The following CFAP20DC variants were observed in gnomAD, a reference collection of about 807,000 sequenced individuals.
CFAP20DC encodes the protein CFAP20 domain containing.
A neutral mutation model predicts 101.7 loss-of-function variants in CFAP20DC; 84 were observed. The observed-to-expected ratio is 0.83, with a 90% CI of 0.69 to 0.99. CFAP20DC has a LOEUF of 0.99. CFAP20DC is among the 50% of genes least tolerant of loss of function. The pLI, the probability that CFAP20DC is intolerant of heterozygous loss-of-function variation, is 0.00. For synonymous variants in CFAP20DC, 359 were observed against 351.2 expected, an observed-to-expected ratio of 1.02 and a Z score of -0.25; for missense variants, 1,007 against 970.3, an observed-to-expected ratio of 1.04 and a Z score of -0.50.
intron 15 of CFAP20DC, among the ~76,000 whole-genome samples, chr3:58,759,755 C>T (rs904954044): frequency 6.6e-6 from 1 of 152,182 alleles, no homozygotes; most frequent in South Asian, 2.1e-4. Flanking sequence ...CTACATATGG[C>T]TAGCCAGTTT....
At chr3:58,968,794 C>CA (rs1258663930) in intron 4 of CFAP20DC, among the ~76,000 whole-genome samples, 4 of 152,100 alleles carry the variant, frequency 2.6e-5, no homozygotes, top group African/African-American at 9.7e-5. Flanking sequence ...TTCCTATATC[C>CA]AGGATAATAT....
At chr3:59,031,383 G>GC (rs1319340800) in intron 4 of CFAP20DC, among the ~76,000 whole-genome samples, 4 of 152,082 alleles carry the variant, frequency 2.6e-5, no homozygotes, top group Admixed American at 6.5e-5. Context: ...TTGTTAAGGA[G>GC]CTTAAAAATA....
downstream of CFAP20DC, chr3:58,717,351 T>C (rs1387219710): frequency 1.7e-5 from 4 of 236,842 alleles, no homozygotes; most frequent in Non-Finnish European, 3.4e-5. This position sits in a 1 kb window ranked among gnomAD's most constrained non-coding sequence, Gnocchi z 4.1. Flanking sequence ...AGCAGGGGAA[T>C]GCTGAATCTC....
In CFAP20DC at chr3:58,866,582, CTG is replaced by C; in HGVS notation, c.1240_1241del (p.Gln414ValfsTer3). On this transcript the variant is annotated frameshift_variant, in exon 11 of 17. Coordinates refer to ENST00000482387, the MANE Select transcript of CFAP20DC (RefSeq NM_001394063.1). LOFTEE classifies it high-confidence loss of function. ...ELLNSGTLGP[Q>X]SPDQSDEWIF... The stretch of plus-strand genomic sequence containing the variant: ...GATGCCAACCTGATTGATCAGGAGA[CTG>C]GGGTCCTAGAGTGCCGGAGTTCAAC... 1 of 1,611,768 alleles carries C rather than the reference CTG, an allele frequency of 6.2e-7. No homozygotes were observed. Among genetic ancestry groups the C allele is most frequent in the East Asian group, 2.2e-5 (1 of 44,792 alleles).
intron 15 of CFAP20DC, among the ~76,000 whole-genome samples, chr3:58,762,785 C>G (rs977877828): frequency 6.6e-6 from 1 of 152,164 alleles, no homozygotes; most frequent in African/African-American, 2.4e-5. Flanking sequence ...TTTATTTCTC[C>G]TTCACTTATG....
chr3:59,015,354 A>G lies in CFAP20DC; in HGVS notation c.278+24203T>C, dbSNP rs1179482484. ...ATAAGAAATGAGAAGGAAAGGAAGAAGGAAAAGAAAAATTAGGAAGAAGAA... is the reference window on the plus strand; with the variant it reads ...ATAAGAAATGAGAAGGAAAGGAAGAGGGAAAAGAAAAATTAGGAAGAAGAA... On this transcript the variant is annotated intron_variant, in intron 4 of 16. Coordinates refer to ENST00000482387, the MANE Select transcript of CFAP20DC (RefSeq NM_001394063.1). This position sits in a 1 kb window ranked among gnomAD's most constrained non-coding sequence, Gnocchi z 5.4. 6.6e-6 allele frequency among the ~76,000 whole-genome samples: 1 copy of G among 152,068 alleles called. No individual in the cohort carries two copies. Among genetic ancestry groups the G allele is most frequent in the Non-Finnish European group, 1.5e-5 (1 of 68,002 alleles).
intron 15 of CFAP20DC, among the ~76,000 whole-genome samples, chr3:58,779,769 T>C (rs1253531718): frequency 6.6e-6 from 1 of 151,990 alleles, no homozygotes; most frequent in African/African-American, 2.4e-5. Context: ...GAAGAGGAGA[T>C]GAAAGGGTTA....
chr3:58,830,625 G>A (rs758621967), intron 14 of CFAP20DC, among the ~76,000 whole-genome samples: 5 of 152,124 alleles, frequency 3.3e-5, no homozygotes, highest in South Asian at 4.2e-4. Context: ...ACTTATCCGC[G>A]TCAACTATAC....
chr3:58,742,666 G>A (rs980211582), intron 16 of CFAP20DC, 94 bp from the exon 17 acceptor site: 26 of 808,970 alleles, frequency 3.2e-5, no homozygotes, highest in Non-Finnish European at 4.8e-5. Flanking sequence ...ATCTCTCCTG[G>A]GGGATTTTCT....
chr3:58,952,558 A>C lies in CFAP20DC; in HGVS notation c.279-14796T>G, dbSNP rs143304004. Among the ~76,000 whole-genome samples, 103 of 152,224 alleles carry C rather than the reference A, an allele frequency of 6.8e-4. 1 individual carries two copies. The highest frequency in any genetic ancestry group is 2.4e-3 in the African/African-American group (100 of 41,536). On this transcript the variant is annotated intron_variant, in intron 4 of 16. Transcript: ENST00000482387. ...TGGCCTTTAATTTTCTATTAACTAA[A>C]ACATAAGTGGCTCATAGATGCCTAT...
At chr3:58,807,022 G>T in intron 14 of CFAP20DC, among the ~76,000 whole-genome samples, 1 of 152,152 alleles carries the variant, frequency 6.6e-6, no homozygotes, top group Admixed American at 6.5e-5. Context: ...GGGGAGGGGT[G>T]CCCGCCATTG....
intron 13 of CFAP20DC, among the ~76,000 whole-genome samples, chr3:58,838,614 T>C (rs2076896511): frequency 2.0e-5 from 3 of 152,196 alleles, no homozygotes; most frequent in Admixed American, 2.0e-4. Context: ...ATCTTTATAT[T>C]GATGTGCTAT....
At position 59,001,828 on chromosome 3, in the gene CFAP20DC, T is replaced by C. The variant is rs1164951032; in HGVS notation, c.278+37729A>G. ...GCCTCAGGGAAGAAAGGGAAGTACC[T>C]GATGTTACTATAGTAATCAGTGGGC... On this transcript the variant is annotated intron_variant, in intron 4 of 16. Coordinates refer to ENST00000482387, the MANE Select transcript of CFAP20DC (RefSeq NM_001394063.1). This position sits in a 1 kb window ranked among gnomAD's most constrained non-coding sequence, Gnocchi z 4.5. 6.6e-6 allele frequency among the ~76,000 whole-genome samples: 1 copy of C among 152,186 alleles called. No individual in the cohort carries two copies. Among genetic ancestry groups the C allele is most frequent in the Admixed American group, 6.5e-5 (1 of 15,280 alleles).
intron 4 of CFAP20DC, among the ~76,000 whole-genome samples, chr3:58,947,542 G>C (rs527646629): frequency 1.3e-5 from 2 of 152,282 alleles, no homozygotes; most frequent in African/African-American, 4.8e-5. Context: ...ATTTAGAAAG[G>C]ACTGGATCTC....
intron 16 of CFAP20DC, among the ~76,000 whole-genome samples, chr3:58,744,703 A>C (rs1457955496): frequency 1.3e-5 from 2 of 152,264 alleles, no homozygotes; most frequent in East Asian, 3.9e-4. Context: ...GAAGTTAAGA[A>C]AATCTGGGGT....
At chr3:58,938,355 T>C (rs1240514015) in intron 4 of CFAP20DC, among the ~76,000 whole-genome samples, 5 of 152,168 alleles carry the variant, frequency 3.3e-5, no homozygotes, top group Admixed American at 2.6e-4. Context: ...TTTAATAGAT[T>C]TAGACCACAG....
intron 6 of CFAP20DC, among the ~76,000 whole-genome samples, chr3:58,887,796 A>C (rs2081781338): frequency 6.6e-6 from 1 of 152,208 alleles, no homozygotes; most frequent in Non-Finnish European, 1.5e-5. Context: ...TTTGAGGGAA[A>C]CTGTGAGCAG....
At chr3:58,950,603 A>G (rs1007328345) in intron 4 of CFAP20DC, among the ~76,000 whole-genome samples, 17 of 152,084 alleles carry the variant, frequency 1.1e-4, no homozygotes, top group Admixed American at 6.6e-5. Context: ...CAGAAATAAC[A>G]CCGCATATCT....
chr3:58,754,341 G>A (rs1048643726), intron 15 of CFAP20DC, among the ~76,000 whole-genome samples: 1 of 152,074 alleles, frequency 6.6e-6, no homozygotes, highest in Non-Finnish European at 1.5e-5. Flanking sequence ...CTCTTAACTC[G>A]GGGCTTTTGA....
Sources: allele counts gnomAD v4.1 joint callset (sites outside exome capture counted in the v4.1 genomes callset), GRCh38; gene constraint gnomAD v4.1.1; non-coding constraint Gnocchi (gnomAD v3.1); transcripts MANE v1.5; gene names NCBI Gene and HGNC (gene_info 2026-07-23, HGNC 2026-07-21).